NAV2: variants seen among roughly 807,000 people sequenced by gnomAD.
The protein encoded by NAV2 is helicase, APC down-regulated 1.
A neutral mutation model predicts 223.2 loss-of-function variants in NAV2; 54 were observed. That is an observed-to-expected ratio of 0.24 (90% CI 0.19 to 0.30). NAV2 has a LOEUF of 0.30. NAV2 is among the 10% of genes least tolerant of loss of function. NAV2 has a pLI of 1.00. For synonymous variants in NAV2, 1,279 were observed against 1,239.3 expected (o/e 1.03, Z -0.67); for missense variants, 2,806 against 3,147.5 (o/e 0.89, Z 2.60).
chr11:19,350,114 G>GATGATC (rs1359414463), upstream of NAV2, among the ~76,000 whole-genome samples: 2 of 151,802 alleles, frequency 1.3e-5, no homozygotes, highest in African/African-American at 4.8e-5. Flanking sequence ...TGATGATGAT[G>GATGATC]ATCATGCACC....
intron 10 of NAV2, among the ~76,000 whole-genome samples, chr11:19,973,669 T>G (rs2049450413): frequency 6.6e-6 from 1 of 152,356 alleles, no homozygotes; most frequent in Middle Eastern, 3.4e-3. Context: ...AATTGGTTTA[T>G]AGCAAACAGA....
intron 30 of NAV2, among the ~76,000 whole-genome samples, chr11:20,096,326 A>G (rs568667454): frequency 2.6e-5 from 4 of 152,302 alleles, no homozygotes; most frequent in African/African-American, 9.6e-5. Context: ...TTGCCATGGG[A>G]TAAATAACTA....
chr11:19,642,016 G>T (rs2047680318), intron 1 of NAV2, among the ~76,000 whole-genome samples: 1 of 152,114 alleles, frequency 6.6e-6, no homozygotes, highest in Non-Finnish European at 1.5e-5. Context: ...TTGGCATATA[G>T]CAGGTACTGA....
intron 12 of NAV2, among the ~76,000 whole-genome samples, chr11:20,036,912 T>A (rs2056426057): frequency 6.6e-6 from 1 of 152,208 alleles, no homozygotes; most frequent in Non-Finnish European, 1.5e-5. Context: ...GCTTCAGATT[T>A]CATGTTTCAA....
At chr11:19,724,881 A>G (rs1205914885) in intron 1 of NAV2, among the ~76,000 whole-genome samples, 3 of 152,200 alleles carry the variant, frequency 2.0e-5, no homozygotes, top group Non-Finnish European at 4.4e-5. Context: ...TTTACGAGGA[A>G]TCTCACCTTC....
chr11:19,820,460 A>T (rs894547), intron 1 of NAV2, among the ~76,000 whole-genome samples: 1 of 152,202 alleles, frequency 6.6e-6, no homozygotes, highest in Non-Finnish European at 1.5e-5. Flanking sequence ...GGTTGGAGAG[A>T]GTGGGAGGAA....
rs144875196 is a variant in NAV2 at position 19,948,935 on chromosome 11, C to A, written c.2500C>A (p.Arg834=). The A allele has an allele frequency of 1.1e-5, 17 of 1,613,842 alleles. No homozygotes were observed. The African/African-American group carries it at 1.2e-4, about 11-fold the overall frequency. Residue 834 remains arginine (R), a synonymous_variant, in exon 10 of 38, where the codon CGG becomes AGG. Coordinates refer to ENST00000349880, the MANE Select transcript of NAV2 (RefSeq NM_145117.5). ...CCCTCTGAGAAGGCAGCTGGCCTCC[C>A]GGGGCAGTAGTGTCTGCCATGTGGA... ...SAPLRRQLAS[R]GSSVCHVDVS... is the part of the protein sequence containing the mutation.
At chr11:19,994,955 A>G (rs1325895212) in intron 11 of NAV2, among the ~76,000 whole-genome samples, 1 of 152,192 alleles carries the variant, frequency 6.6e-6, no homozygotes, top group Non-Finnish European at 1.5e-5. Context: ...CTTCGGGGGT[A>G]AGGTCATCTC....
At chr11:19,709,277 T>G (rs1045311694), upstream of NAV2, among the ~76,000 whole-genome samples, 6 of 152,152 alleles carry the variant, frequency 3.9e-5, no homozygotes, top group South Asian at 2.1e-4. Flanking sequence ...GCACGGTGGC[T>G]CACGCCTGTA....
At chr11:19,894,537 C>G (rs2041792552) in intron 6 of NAV2, among the ~76,000 whole-genome samples, 1 of 152,196 alleles carries the variant, frequency 6.6e-6, no homozygotes, top group Non-Finnish European at 1.5e-5. Context: ...ATACTGTGTT[C>G]TACAGCTGCC....
At chr11:19,983,026 G>T (rs1179579449) in intron 10 of NAV2, among the ~76,000 whole-genome samples, 1 of 152,152 alleles carries the variant, frequency 6.6e-6, no homozygotes, top group Non-Finnish European at 1.5e-5. Context: ...AATGTAAAAT[G>T]CTTGCATTTT....
At chr11:19,729,262 G>A (rs2051525535) in intron 1 of NAV2, among the ~76,000 whole-genome samples, 3 of 152,190 alleles carry the variant, frequency 2.0e-5, no homozygotes, top group Admixed American at 2.0e-4. Flanking sequence ...GAGGAGCTGA[G>A]GTTTGAATGC....
At chr11:19,736,120 A>G (rs972210861) in intron 1 of NAV2, among the ~76,000 whole-genome samples, 3 of 152,178 alleles carry the variant, frequency 2.0e-5, no homozygotes, top group African/African-American at 7.2e-5. Context: ...GTCCATTTAT[A>G]GTATGCAGCA....
chr11:19,458,071 T>C (rs2702691), intron 1 of NAV2, among the ~76,000 whole-genome samples: 135,400 of 152,206 alleles, frequency 0.89, 60,593 homozygotes, highest in East Asian at 1. Context: ...GCAGGCAAGT[T>C]CCCTATATGA....
upstream of NAV2, among the ~76,000 whole-genome samples, chr11:19,348,550 A>G (rs1376683736): frequency 6.6e-6 from 1 of 152,210 alleles, no homozygotes; most frequent in Admixed American, 6.5e-5. Flanking sequence ...CAGTTGTCTC[A>G]TCTCGAATAC....
At chr11:19,525,546 C>A (rs1303103287) in intron 1 of NAV2, among the ~76,000 whole-genome samples, 1 of 152,132 alleles carries the variant, frequency 6.6e-6, no homozygotes, top group Non-Finnish European at 1.5e-5. Context: ...CCCAGGGAGC[C>A]ACGCAGGGGA....
At chr11:19,891,692 G>A (rs935308324) in intron 5 of NAV2, among the ~76,000 whole-genome samples, 2 of 152,188 alleles carry the variant, frequency 1.3e-5, no homozygotes, top group Non-Finnish European at 2.9e-5. Context: ...CAACCAACCT[G>A]AAGTTTTCAT....
chr11:19,484,127 AAC>A lies in NAV2; in HGVS notation c.75+133131_75+133132del, dbSNP rs58138697. On this transcript the variant is annotated intron_variant, in intron 1 of 37. Transcript: ENST00000360655. ...GACCTTGGATTTGTGACTGATCACA[AAC>A]ACACACACACACACACACACACACA... Among the ~76,000 whole-genome samples, 391 of 144,876 alleles carry A rather than the reference AAC, an allele frequency of 2.7e-3. 2 individuals carry two copies. The highest frequency in any genetic ancestry group is 9.1e-3 in the African/African-American group (357 of 39,198).
At chr11:19,636,072 T>C (rs2047490798) in intron 1 of NAV2, among the ~76,000 whole-genome samples, 1 of 152,244 alleles carries the variant, frequency 6.6e-6, no homozygotes, top group South Asian at 2.1e-4. Context: ...AGAGCTGTTT[T>C]CACAAGCCTG....
Sources: allele counts gnomAD v4.1 joint callset (sites outside exome capture counted in the v4.1 genomes callset), GRCh38; gene constraint gnomAD v4.1.1; transcripts MANE v1.5; gene names NCBI Gene and HGNC (gene_info 2026-07-23, HGNC 2026-07-21).